The following GTF2F2 variants were observed in gnomAD, a reference collection of about 807,000 sequenced individuals.
GTF2F2 encodes the protein general transcription factor IIF subunit 2.
In GTF2F2, 23 loss-of-function variants were observed where a neutral mutation model predicts 42.2. That is an observed-to-expected ratio of 0.55 (90% CI 0.39 to 0.77). GTF2F2 has a LOEUF of 0.77. GTF2F2 is among the 30% of genes least tolerant of loss of function. The pLI is 0.00. For synonymous variants in GTF2F2, 105 were observed against 100.8 expected, an observed-to-expected ratio of 1.04 and a Z score of -0.25; for missense variants, 261 against 287.2, an observed-to-expected ratio of 0.91 and a Z score of 0.66.
chr13:45,280,106 T>C (rs1877200556), intron 7 of GTF2F2, among the ~76,000 whole-genome samples: 1 of 152,030 alleles, frequency 6.6e-6, no homozygotes, highest in Non-Finnish European at 1.5e-5. Context: ...GGGGTCCAGA[T>C]TTGAGGAAAG....
intron 4 of GTF2F2, among the ~76,000 whole-genome samples, chr13:45,181,538 C>T (rs1872168007): frequency 6.6e-6 from 1 of 152,022 alleles, no homozygotes. Flanking sequence ...TAAACAACAG[C>T]AACTTTACAT....
At chr13:45,275,767 G>A (rs553786673) in intron 7 of GTF2F2, among the ~76,000 whole-genome samples, 18 of 152,224 alleles carry the variant, frequency 1.2e-4, no homozygotes, top group African/African-American at 3.4e-4. Flanking sequence ...AAACATACGT[G>A]TGCATGTGTC....
chr13:45,152,268 C>G (rs984106553), intron 4 of GTF2F2, among the ~76,000 whole-genome samples: 6 of 152,172 alleles, frequency 3.9e-5, no homozygotes, highest in Non-Finnish European at 8.8e-5. Flanking sequence ...CTCATTTTGT[C>G]TACCTCTGTT....
chr13:45,212,475 C>CTTTCTTTCTTTCTT (rs1873709562), intron 5 of GTF2F2, among the ~76,000 whole-genome samples: 1 of 90,382 alleles, frequency 1.1e-5, no homozygotes, highest in Admixed American at 1.0e-4. Flanking sequence ...TTCTTTCTTT[C>CTTTCTTTCTTTCTT]TTTCTTTCTT....
intron 2 of GTF2F2, among the ~76,000 whole-genome samples, chr13:45,138,752 T>A (rs1457302251): frequency 6.6e-6 from 1 of 152,212 alleles, no homozygotes; most frequent in African/African-American, 2.4e-5. Flanking sequence ...TTCAAGCGAT[T>A]CTCCTGCCTT....
At chr13:45,194,480 A>T (rs1158928559) in intron 4 of GTF2F2, 1 of 1,614,010 alleles carries the variant, frequency 6.2e-7, no homozygotes, top group Non-Finnish European at 8.5e-7. Context: ...GTGGATTTGC[A>T]GTTCTTTCCT....
chr13:45,137,650 A>G (rs1164003458), intron 2 of GTF2F2, among the ~76,000 whole-genome samples: 2 of 152,198 alleles, frequency 1.3e-5, no homozygotes, highest in East Asian at 1.9e-4. Context: ...GCTCATTCAC[A>G]TGATGGTGAA....
chr13:45,261,727 C>T (rs2138258157), intron 6 of GTF2F2, among the ~76,000 whole-genome samples: 1 of 152,202 alleles, frequency 6.6e-6, no homozygotes, highest in East Asian at 1.9e-4. Flanking sequence ...CACTGAGAAA[C>T]AAAATGCCCA....
rs187671135 is a variant in GTF2F2, at chr13:45,284,246, C to T, written c.*685C>T. On this transcript the variant is annotated 3_prime_UTR_variant, in exon 8 of 8. Transcript: ENST00000340473. ...ATCTTTCCAAAATTTGAAGATATGT[C>T]TCCCCCAGTCAGATTATAAGCTTCT... 3 of 152,158 alleles carry T rather than the reference C, an allele frequency of 2.0e-5. No homozygotes were observed. Among genetic ancestry groups the T allele is most frequent in the East Asian group, 3.9e-4 (2 of 5,176 alleles). The allele number at this position is 152,158 out of a possible 1,614,324, so 9.4% of individuals were successfully genotyped here.
At chr13:45,173,585 T>A (rs1302768494) in intron 4 of GTF2F2, among the ~76,000 whole-genome samples, 1 of 151,336 alleles carries the variant, frequency 6.6e-6, no homozygotes, top group Non-Finnish European at 1.5e-5. Context: ...AAATGACTGA[T>A]CTGTTCTGCA....
intron 2 of GTF2F2, among the ~76,000 whole-genome samples, chr13:45,144,060 TG>T (rs1358779567): frequency 6.6e-6 from 1 of 152,038 alleles, no homozygotes; most frequent in Non-Finnish European, 1.5e-5. Flanking sequence ...GAGACCAGCC[TG>T]GCCAACGTGG....
chr13:45,245,502 T>C (rs1875540335), intron 5 of GTF2F2, among the ~76,000 whole-genome samples: 1 of 151,958 alleles, frequency 6.6e-6, no homozygotes, highest in Non-Finnish European at 1.5e-5. Flanking sequence ...ATCATTCTCA[T>C]GCGTTTGCAT....
At chr13:45,238,672 C>T (rs1393853753) in intron 5 of GTF2F2, among the ~76,000 whole-genome samples, 4 of 151,652 alleles carry the variant, frequency 2.6e-5, no homozygotes, top group Non-Finnish European at 5.9e-5. Flanking sequence ...TAGTCGGGTG[C>T]AGTGGCTCAC....
intron 4 of GTF2F2, among the ~76,000 whole-genome samples, chr13:45,172,233 T>C (rs907780226): frequency 1.3e-5 from 2 of 152,228 alleles, no homozygotes; most frequent in Non-Finnish European, 2.9e-5. Context: ...TGGCATTTCA[T>C]TGTGATTTTC....
intron 4 of GTF2F2, among the ~76,000 whole-genome samples, chr13:45,179,915 A>G (rs1353495621): frequency 1.3e-5 from 2 of 152,170 alleles, no homozygotes; most frequent in Non-Finnish European, 2.9e-5. Context: ...CTTTTTCACA[A>G]GAAATACAAG....
chr13:45,149,845 A>G, intron 3 of GTF2F2, 57 bp downstream of exon 3: 1 of 1,427,438 alleles, frequency 7.0e-7, no homozygotes, highest in Non-Finnish European at 9.4e-7. Flanking sequence ...TTTCATTAAT[A>G]ATAGTGAAAA....
chr13:45,160,766 G>GT (rs59676340), intron 4 of GTF2F2, among the ~76,000 whole-genome samples: 16,215 of 141,494 alleles, frequency 0.11, 2,325 homozygotes, highest in African/African-American at 0.34. Flanking sequence ...CCTGTCAGCT[G>GT]TTTTTTTTTT....
At chr13:45,262,858 C>T (rs1410117403) in intron 6 of GTF2F2, among the ~76,000 whole-genome samples, 1 of 152,114 alleles carries the variant, frequency 6.6e-6, no homozygotes, top group African/African-American at 2.4e-5. Flanking sequence ...AATCCTCCTG[C>T]CTTAGCCTCC....
intron 7 of GTF2F2, among the ~76,000 whole-genome samples, chr13:45,278,253 T>A (rs1877113313): frequency 6.6e-6 from 1 of 152,252 alleles, no homozygotes; most frequent in Non-Finnish European, 1.5e-5. Flanking sequence ...CATGGACTTC[T>A]GGCTTTTTGC....
Sources: gnomAD v4.1 joint callset for allele counts (sites outside exome capture counted in the v4.1 genomes callset) on GRCh38, gnomAD v4.1.1 for gene constraint, MANE v1.5 for transcripts, NCBI Gene and HGNC (gene_info 2026-07-23, HGNC 2026-07-21) for gene names.